Variants in ZNF804B observed in about 807,000 individuals in gnomAD.
The protein encoded by ZNF804B is zinc finger protein 804B.
Under a neutral mutation model 101.4 loss-of-function variants are expected in ZNF804B, and 80 were observed. The observed-to-expected ratio is 0.79, with a 90% CI of 0.66 to 0.95. ZNF804B has a LOEUF of 0.95. Among genes scored for constraint, ZNF804B ranks in the 40% least tolerant of loss-of-function variants. The pLI is 0.00. For missense variants in ZNF804B, 1,673 were observed against 1,561.9 expected (o/e 1.07, Z -1.20); for synonymous variants, 622 against 558.8 (o/e 1.11, Z -1.59).
At chr7:89,323,852 A>G (rs1309352965) in intron 2 of ZNF804B, among the ~76,000 whole-genome samples, 1 of 152,082 alleles carries the variant, frequency 6.6e-6, no homozygotes, top group African/African-American at 2.4e-5. Flanking sequence ...ACCCTCAAAG[A>G]ACATTTTCCT....
intron 1 of ZNF804B, among the ~76,000 whole-genome samples, chr7:89,156,082 C>T (rs931611216): frequency 7.2e-4 from 58 of 80,942 alleles, no homozygotes; most frequent in East Asian, 2.8e-3. Flanking sequence ...CTCTCTTTCT[C>T]TCTTTCCTTT....
At position 88,821,591 on chromosome 7, in the gene ZNF804B, A is replaced by G. The variant is rs754021511; in HGVS notation, c.108+61507A>G. Among the ~76,000 whole-genome samples the G allele has an allele frequency of 3.9e-4, 59 of 152,226 alleles. 1 individual carries two copies. Among genetic ancestry groups the G allele is most frequent in the Non-Finnish European group, 2.9e-4 (20 of 68,026 alleles). On this transcript the variant is annotated intron_variant, in intron 1 of 3. Coordinates refer to ENST00000333190, the MANE Select transcript of ZNF804B (RefSeq NM_181646.5). ...GTTATTGTAAACTTGCAGAAATTAT[A>G]GAATTAAAACCTTATAACCATCTCT...
intron 1 of ZNF804B, among the ~76,000 whole-genome samples, chr7:89,046,962 TTAAA>T (rs1789118579): frequency 6.6e-6 from 1 of 152,192 alleles, no homozygotes; most frequent in Non-Finnish European, 1.5e-5. Context: ...CCTTCATAAC[TTAAA>T]TAACTTAAAT....
At chr7:88,982,028 A>G (rs925689449) in intron 1 of ZNF804B, among the ~76,000 whole-genome samples, 1 of 151,856 alleles carries the variant, frequency 6.6e-6, no homozygotes, top group East Asian at 1.9e-4. Flanking sequence ...TATTCTCGGG[A>G]GGATGATCAC....
intron 1 of ZNF804B, among the ~76,000 whole-genome samples, chr7:89,207,505 C>T (rs368738574): frequency 2.0e-5 from 3 of 152,304 alleles, no homozygotes; most frequent in African/African-American, 7.2e-5. Flanking sequence ...GAGTCCCTCC[C>T]ATGATACATG....
chr7:89,092,408 G>GTTTTTTTTTTTTTTTTTTTTT (rs71120056), intron 1 of ZNF804B, among the ~76,000 whole-genome samples: 3 of 93,840 alleles, frequency 3.2e-5, no homozygotes, highest in South Asian at 4.0e-4. Context: ...TTTCTTTTCT[G>GTTTTTTTTTTTTTTTTTTTTT]TTTTTTTTTT....
At chr7:89,091,542 G>A (rs1377971677) in intron 1 of ZNF804B, among the ~76,000 whole-genome samples, 1 of 152,062 alleles carries the variant, frequency 6.6e-6, no homozygotes, top group Admixed American at 6.6e-5. Flanking sequence ...GTGCAAAAGG[G>A]AATGAAAGCA....
chr7:88,811,398 G>A (rs116160406), intron 1 of ZNF804B, among the ~76,000 whole-genome samples: 3,954 of 152,260 alleles, frequency 0.026, 155 homozygotes, highest in African/African-American at 0.085. Context: ...CTGTTGGCGG[G>A]CATGTAAATT....
chr7:88,906,882 C>G (rs751453286), intron 1 of ZNF804B, among the ~76,000 whole-genome samples: 2 of 151,972 alleles, frequency 1.3e-5, no homozygotes, highest in Non-Finnish European at 2.9e-5. Flanking sequence ...TTTCATAGGT[C>G]AAGAAGAATT....
chr7:89,232,522 G>A (rs769304265), intron 2 of ZNF804B, among the ~76,000 whole-genome samples: 28 of 152,114 alleles, frequency 1.8e-4, no homozygotes, highest in Non-Finnish European at 4.0e-4. Context: ...ATTTACCAGT[G>A]AAGCTACTTT....
At chr7:89,220,066 C>CATAT (rs1204101899) in intron 2 of ZNF804B, among the ~76,000 whole-genome samples, 1 of 93,908 alleles carries the variant, frequency 1.1e-5, no homozygotes, top group Non-Finnish European at 2.2e-5. Context: ...TATATACGCA[C>CATAT]ATATATGTGT....
At position 89,212,897 on chromosome 7, in the gene ZNF804B, T is replaced by A. The variant is rs546097394; in HGVS notation, c.109-5258T>A. ...CATAGTTAGGTTTCCTACAGTCATA[T>A]TTTGGGGTGGCATATTCTGAGCCCC... On this transcript the variant is annotated intron_variant, in intron 1 of 3. Coordinates refer to ENST00000333190, the MANE Select transcript of ZNF804B (RefSeq NM_181646.5). Among the ~76,000 whole-genome samples the A allele has an allele frequency of 2.1e-3, 314 of 152,278 alleles. 1 individual carries two copies. The highest frequency in any genetic ancestry group is 7.2e-3 in the African/African-American group (300 of 41,574).
chr7:89,056,676 C>T (rs548750177), intron 1 of ZNF804B, among the ~76,000 whole-genome samples: 71 of 152,198 alleles, frequency 4.7e-4, no homozygotes, highest in Admixed American at 9.8e-4. Flanking sequence ...TAAATGGGAT[C>T]GAAGGTTAAT....
chr7:89,227,086 T>C (rs1365588010), intron 2 of ZNF804B, among the ~76,000 whole-genome samples: 1 of 152,198 alleles, frequency 6.6e-6, no homozygotes, highest in Non-Finnish European at 1.5e-5. Flanking sequence ...TGCTTTTGCT[T>C]CTATCCTGGA....
At chr7:89,059,720 G>A (rs2116279583) in intron 1 of ZNF804B, among the ~76,000 whole-genome samples, 1 of 152,244 alleles carries the variant, frequency 6.6e-6, no homozygotes, top group South Asian at 2.1e-4. Context: ...GTTGACAAGG[G>A]CTATTCTGAC....
chr7:88,926,938 G>GCGGCT (rs113089451), intron 1 of ZNF804B, among the ~76,000 whole-genome samples: 1 of 142,600 alleles, frequency 7.0e-6, no homozygotes, highest in African/African-American at 2.9e-5. Flanking sequence ...CCGGGTGGTG[G>GCGGCT]GGAGCGGGGG....
intron 1 of ZNF804B, among the ~76,000 whole-genome samples, chr7:89,136,522 G>A (rs999744559): frequency 6.6e-6 from 1 of 151,884 alleles, no homozygotes; most frequent in Non-Finnish European, 1.5e-5. Flanking sequence ...TAATTCCCCT[G>A]CCACCTTTCC....
intron 1 of ZNF804B, among the ~76,000 whole-genome samples, chr7:88,855,440 T>C (rs1352764303): frequency 2.6e-5 from 4 of 152,072 alleles, no homozygotes; most frequent in African/African-American, 9.6e-5. Flanking sequence ...TGCCCACTTG[T>C]TGATGGGGTT....
intron 1 of ZNF804B, among the ~76,000 whole-genome samples, chr7:88,854,529 T>TCCTTCCTTC (rs1791521123): frequency 3.5e-5 from 2 of 57,922 alleles, no homozygotes; most frequent in Non-Finnish European, 3.2e-5. Context: ...TTCCTTCCTT[T>TCCTTCCTTC]CCTTCCTTCC....
Sources: allele counts gnomAD v4.1 joint callset (sites outside exome capture counted in the v4.1 genomes callset), GRCh38; gene constraint gnomAD v4.1.1; transcripts MANE v1.5; gene names NCBI Gene and HGNC (gene_info 2026-07-23, HGNC 2026-07-21).